Variants in HAL observed in about 807,000 individuals in gnomAD.
HAL encodes the protein histidase.
HAL carries 85 observed loss-of-function variants against 81.1 expected under a neutral mutation model. The observed-to-expected ratio is 1.05, with a 90% CI of 0.88 to 1.25. The LOEUF (loss-of-function observed/expected upper bound fraction) is 1.25, where lower values mean the gene tolerates loss of function less well. Ranked by LOEUF, HAL falls within the 50% of genes most tolerant of loss-of-function variation. HAL has a pLI of 0.00. For synonymous variants in HAL, 301 were observed against 309.2 expected, an observed-to-expected ratio of 0.97 and a Z score of 0.28; for missense variants, 798 against 836.6, an observed-to-expected ratio of 0.95 and a Z score of 0.57.
rs774210495 is a variant in HAL at position 95,993,822 on chromosome 12, A to G, written c.501T>C (p.Thr167=). The change falls in exon 7 of 21, where the codon ACT becomes ACC. Residue 167 remains threonine, a synonymous_variant. Transcript: ENST00000261208. ...IKEKTVVYGI[T]TGFGKFARTV... Reference sequence around the variant, plus strand: ...TTCTGGCAAATTTCCCAAAACCTGTAGTAATACCGTAAACAACTAGAATAA... The same window carrying G: ...TTCTGGCAAATTTCCCAAAACCTGTGGTAATACCGTAAACAACTAGAATAA... 5 of 1,575,932 alleles carry G rather than the reference A, an allele frequency of 3.2e-6. No homozygotes were observed. Among genetic ancestry groups the G allele is most frequent in the Non-Finnish European group, 3.5e-6 (4 of 1,145,228 alleles).
chr12:95,978,515 G>A (rs2080752708), intron 17 of HAL, among the ~76,000 whole-genome samples: 1 of 152,306 alleles, frequency 6.6e-6, no homozygotes, highest in African/African-American at 2.4e-5. Flanking sequence ...ACACTTCAGA[G>A]TGTTCAAGGA....
At chr12:95,995,276 A>G in intron 2 of HAL, 1 of 574,228 alleles carries the variant, frequency 1.7e-6, no homozygotes, top group Non-Finnish European at 3.1e-6. Flanking sequence ...ATCTGAACTG[A>G]TGCTATGCTG....
chr12:95,976,494 A>C lies in HAL; in HGVS notation c.1768T>G (p.Trp590Gly). The part of the protein sequence containing the change: ...YDLVRSVVRP[W>G]IKDRFMAPDI... ...GGGGCCATGAAGCGATCTTTTATCC[A>C]GGGCCTACAGGGAGAGCACATCCGC... Residue 590 changes from tryptophan (W) to glycine (G), a missense_variant, in exon 20 of 21, where the codon TGG becomes GGG. Transcript: ENST00000261208. 1 of 1,614,042 alleles carries C rather than the reference A, an allele frequency of 6.2e-7. No individual in the cohort carries two copies. The highest frequency in any genetic ancestry group is 8.5e-7 in the Non-Finnish European group (1 of 1,179,878).
chr12:95,975,553 G>A (rs978003680), intron 20 of HAL, among the ~76,000 whole-genome samples: 3 of 152,020 alleles, frequency 2.0e-5, no homozygotes, highest in African/African-American at 7.2e-5. Flanking sequence ...TTAAGGCCCT[G>A]TTTTTGGTTT....
chr12:95,995,083 T>C (rs1950016960), intron 2 of HAL, 90 bp from the exon 3 acceptor site: 1 of 961,200 alleles, frequency 1.0e-6, no homozygotes, highest in African/African-American at 1.6e-5. Flanking sequence ...CATTGGCCCA[T>C]GAATTCTATA....
intron 10 of HAL, chr12:95,989,828 C>A (rs1051746370): frequency 5.9e-6 from 1 of 170,198 alleles, no homozygotes; most frequent in Non-Finnish European, 1.3e-5. Context: ...GGGCCCTCTA[C>A]CCCTTTCACT....
chr12:95,980,520 C>T (rs368127781), intron 17 of HAL, 36 bp downstream of exon 17: 34 of 1,599,350 alleles, frequency 2.1e-5, no homozygotes, highest in Middle Eastern at 2.2e-4. Context: ...CTTAGATGGA[C>T]GGGCGTGTGT....
intron 14 of HAL, among the ~76,000 whole-genome samples, chr12:95,985,094 T>G (rs578242123): frequency 6.6e-6 from 1 of 152,324 alleles, no homozygotes; most frequent in Admixed American, 6.5e-5. Context: ...TCATTTAAAA[T>G]AATTTATATT....
Position 95,993,439 on chromosome 12 carries a change from G to A in HAL, c.589+12C>T, listed in dbSNP as rs766023892. 8 of 1,574,974 alleles carry A rather than the reference G, an allele frequency of 5.1e-6. No homozygotes were observed. Among genetic ancestry groups the A allele is most frequent in the East Asian group, 2.2e-5 (1 of 44,740 alleles). ...ACACAAGATCCAGGAGGCACCCAAC[G>A]TTTTGACTTACCTGAAGAATGTGAG... On this transcript the variant is annotated intron_variant, in intron 8 of 20. Coordinates refer to ENST00000261208, the MANE Select transcript of HAL (RefSeq NM_002108.4).
At chr12:95,990,289 C>G in intron 10 of HAL, 104 bp downstream of exon 10, 1 of 915,092 alleles carries the variant, frequency 1.1e-6, no homozygotes, top group Non-Finnish European at 1.8e-6. Flanking sequence ...AGTAGGAGCT[C>G]CCTCACTGGG....
At chr12:95,990,567 T>C (rs17676826) in intron 9 of HAL, 35 bp from the exon 10 acceptor site, 539,715 of 1,587,578 alleles carry the variant, frequency 0.34, 94,445 homozygotes, top group South Asian at 0.49. Flanking sequence ...AGTTCAAGAG[T>C]ACTGCATTCT....
chr12:95,988,684 C>T (rs1263978389), intron 10 of HAL, among the ~76,000 whole-genome samples: 1 of 152,156 alleles, frequency 6.6e-6, no homozygotes, highest in East Asian at 1.9e-4. Context: ...CTCATTAGTG[C>T]TTCATTTAAA....
chr12:95,993,363 T>G (rs1949994891), intron 8 of HAL, 88 bp downstream of exon 8: 7 of 891,262 alleles, frequency 7.9e-6, no homozygotes, highest in Admixed American at 1.7e-5. Flanking sequence ...ACTAGCTTTT[T>G]GTGACTATAA....
chr12:95,975,131 T>C (rs1378538723), intron 20 of HAL, among the ~76,000 whole-genome samples: 4 of 152,262 alleles, frequency 2.6e-5, no homozygotes, highest in African/African-American at 7.2e-5. Flanking sequence ...ACAGGTGCTC[T>C]GTTCCTTTGA....
Position 95,993,793 on chromosome 12 carries a change from A to G in HAL, c.530T>C (p.Val177Ala). Residue 177 changes from valine (V) to alanine (A), a missense_variant, in exon 7 of 21, where the codon GTA becomes GCA. By Grantham distance (64) the Val-to-Ala change is moderately conservative. Transcript: ENST00000261208. The part of the protein sequence containing the change: ...TTGFGKFART[V>A]IPINKLQELQ... Reference sequence around the variant, plus strand: ...TTACTGTAGCTTATTGATAGGAATTACAGTTCTGGCAAATTTCCCAAAACC... The same window carrying G: ...TTACTGTAGCTTATTGATAGGAATTGCAGTTCTGGCAAATTTCCCAAAACC... The G allele has an allele frequency of 6.4e-7, 1 of 1,563,992 alleles. No homozygotes were observed. The highest frequency in any genetic ancestry group is 8.8e-7 in the Non-Finnish European group (1 of 1,134,362).
chr12:95,976,294 T>A, intron 20 of HAL, 135 bp downstream of exon 20: 1 of 781,642 alleles, frequency 1.3e-6, no homozygotes, highest in South Asian at 1.4e-5. Context: ...TGCTGCAAGT[T>A]GTTGCTCAAA....
chr12:95,995,712 C>G lies in HAL; in HGVS notation c.199G>C (p.Glu67Gln). 1 of 1,613,790 alleles carries G rather than the reference C, an allele frequency of 6.2e-7. No homozygotes were observed. The highest frequency in any genetic ancestry group is 8.5e-7 in the Non-Finnish European group (1 of 1,180,028). Residue 67 changes from glutamate (E) to glutamine (Q), a missense_variant, in exon 2 of 21, where the codon GAG becomes CAG. By Grantham distance (29) the Glu-to-Gln change is conservative. Coordinates refer to ENST00000261208, the MANE Select transcript of HAL (RefSeq NM_002108.4). ...RCKGLGLLDN[E>Q]DRLEVALENN... is the part of the protein sequence containing the mutation. ...TCTAGGGCCACCTCGAGCCGGTCCTCGTTGTCCAGCAGGCCCAGGCCCTTG... is the reference window on the plus strand; with the variant it reads ...TCTAGGGCCACCTCGAGCCGGTCCTGGTTGTCCAGCAGGCCCAGGCCCTTG...
chr12:95,984,272 GAC>G (rs914652095), intron 14 of HAL, among the ~76,000 whole-genome samples: 13 of 152,182 alleles, frequency 8.5e-5, no homozygotes, highest in African/African-American at 2.9e-4. Context: ...GCCAACTCTA[GAC>G]ACAGGCAGAT....
In HAL at chr12:95,976,450, G is replaced by T. The variant is rs2080719651; in HGVS notation, c.1812C>A (p.His604Gln). ...RFMAPDIEAA[H>Q]RLLLEQKVWE... Reference sequence around the variant, plus strand: ...TTGCCTTCTGCTCCAGGAGCAGCCTGTGGGCTGCCTCGATGTCCGGGGCCA... The same window carrying T: ...TTGCCTTCTGCTCCAGGAGCAGCCTTTGGGCTGCCTCGATGTCCGGGGCCA... Residue 604 changes from histidine to glutamine, a missense_variant, in exon 20 of 21, where the codon CAC becomes CAA. His to Gln is a conservative substitution (Grantham distance 24). Coordinates refer to ENST00000261208, the MANE Select transcript of HAL (RefSeq NM_002108.4). 6.2e-7 allele frequency: 1 copy of T among 1,613,606 alleles called. No homozygotes were observed.
Sources: gnomAD v4.1 joint callset for allele counts (sites outside exome capture counted in the v4.1 genomes callset) on GRCh38, gnomAD v4.1.1 for gene constraint, MANE v1.5 for transcripts, NCBI Gene and HGNC (gene_info 2026-07-23, HGNC 2026-07-21) for gene names.